DTNBP1: variants seen among roughly 807,000 people sequenced by gnomAD.
DTNBP1 encodes dysbindin.
DTNBP1 carries 35 observed loss-of-function variants against 42.8 expected under a neutral mutation model. The ratio of observed to expected loss-of-function variants is 0.82; its 90% CI spans 0.63 to 1.09. The LOEUF (loss-of-function observed/expected upper bound fraction) is 1.09, where lower values mean the gene tolerates loss of function less well. Among genes scored for constraint, DTNBP1 ranks in the 50% least tolerant of loss-of-function variants. DTNBP1 has a pLI of 0.00. For missense variants in DTNBP1, 457 were observed against 424.2 expected, an observed-to-expected ratio of 1.08 and a Z score of -0.68; for synonymous variants, 171 against 162.2, an observed-to-expected ratio of 1.05 and a Z score of -0.41.
chr6:15,531,923 C>T (rs929010021), intron 8 of DTNBP1, among the ~76,000 whole-genome samples: 6 of 152,238 alleles, frequency 3.9e-5, no homozygotes, highest in Non-Finnish European at 8.8e-5. Context: ...TATGCCACTG[C>T]GCCTGGCCTC....
intron 6 of DTNBP1, among the ~76,000 whole-genome samples, chr6:15,606,534 C>T (rs1758064721): frequency 6.6e-6 from 1 of 152,106 alleles, no homozygotes; most frequent in Non-Finnish European, 1.5e-5. Flanking sequence ...TGCTGCCCTG[C>T]CCACACTACA....
intron 7 of DTNBP1, among the ~76,000 whole-genome samples, chr6:15,571,911 T>C (rs1299643673): frequency 1.3e-5 from 2 of 152,206 alleles, no homozygotes; most frequent in Non-Finnish European, 2.9e-5. Flanking sequence ...AATTCTACTA[T>C]TGCACATTTG....
intron 6 of DTNBP1, among the ~76,000 whole-genome samples, chr6:15,613,357 A>ATTT (rs1184227291): frequency 4.9e-4 from 12 of 24,308 alleles, no homozygotes; most frequent in East Asian, 3.4e-3. Flanking sequence ...CACGGACCCC[A>ATTT]TTTTTTTTTT....
intron 1 of DTNBP1, among the ~76,000 whole-genome samples, chr6:15,658,309 G>C (rs1244840244): frequency 6.6e-6 from 1 of 152,126 alleles, no homozygotes; most frequent in Non-Finnish European, 1.5e-5. Flanking sequence ...TTAAGATGAT[G>C]ATTAATCCCG....
chr6:15,577,520 A>C (rs1561969955), intron 7 of DTNBP1, among the ~76,000 whole-genome samples: 1 of 152,238 alleles, frequency 6.6e-6, no homozygotes, highest in Non-Finnish European at 1.5e-5. Context: ...GAGAGGACTC[A>C]TGCAGCATTT....
chr6:15,569,380 C>A (rs1051677829), intron 7 of DTNBP1, among the ~76,000 whole-genome samples: 1 of 117,260 alleles, frequency 8.5e-6, no homozygotes, highest in African/African-American at 3.4e-5. Context: ...CCGACAGGAA[C>A]GAAATCAGCG....
intron 3 of DTNBP1, among the ~76,000 whole-genome samples, chr6:15,647,617 C>A (rs561314565): frequency 4.7e-5 from 7 of 150,368 alleles, no homozygotes; most frequent in Non-Finnish European, 1.0e-4. Context: ...ACTATTACTA[C>A]GAATCTTACA....
At chr6:15,586,068 G>C in intron 7 of DTNBP1, 1 of 1,122,864 alleles carries the variant, frequency 8.9e-7, no homozygotes, top group South Asian at 4.4e-5. Flanking sequence ...ATGGAGGGGA[G>C]GGAAGGCTGA....
At chr6:15,528,150 C>G (rs978042962) in intron 8 of DTNBP1, among the ~76,000 whole-genome samples, 8 of 152,178 alleles carry the variant, frequency 5.3e-5, no homozygotes, top group African/African-American at 1.9e-4. Flanking sequence ...TACCAACGGA[C>G]AAGACCCCAA....
At position 15,660,312 on chromosome 6, in the gene DTNBP1, T is replaced by G. The variant is rs549430770; in HGVS notation, c.56+2502A>C. On this transcript the variant is annotated intron_variant, in intron 1 of 9. Transcript: ENST00000344537. ...CTCAAGGCAAAAATAATCAGTTATG[T>G]AAAGGAGGTTGATCTCAAGCTGAAT... is the stretch of plus-strand genomic sequence containing the variant. 6.3e-6 allele frequency: 8 copies of G among 1,267,974 alleles called. No homozygotes were observed. In the South Asian group the frequency reaches 7.4e-5, roughly 12 times the overall value. 78.5% of individuals were successfully genotyped at this position (1,267,974 alleles called of 1,614,324 possible).
At chr6:15,544,121 C>A (rs1773738114) in intron 7 of DTNBP1, among the ~76,000 whole-genome samples, 1 of 152,172 alleles carries the variant, frequency 6.6e-6, no homozygotes, top group South Asian at 2.1e-4. Context: ...CAGCTGGACT[C>A]CAAATCTATA....
At chr6:15,614,241 AG>A (rs908657911) in intron 6 of DTNBP1, among the ~76,000 whole-genome samples, 1 of 151,952 alleles carries the variant, frequency 6.6e-6, no homozygotes, top group African/African-American at 2.4e-5. Flanking sequence ...CATTGGGGGT[AG>A]GGGGGTGGTG....
chr6:15,574,919 T>A (rs1263016576), intron 7 of DTNBP1, among the ~76,000 whole-genome samples: 2 of 152,234 alleles, frequency 1.3e-5, no homozygotes, highest in African/African-American at 2.4e-5. Flanking sequence ...CACCAGTTAT[T>A]AGTACTAATT....
chr6:15,523,891 T>G, intron 9 of DTNBP1: 1 of 1,287,258 alleles, frequency 7.8e-7, no homozygotes. Context: ...GGTAGAACCT[T>G]CTACAGATGG....
chr6:15,602,464 G>A (rs1244913341), intron 6 of DTNBP1, among the ~76,000 whole-genome samples: 1 of 152,110 alleles, frequency 6.6e-6, no homozygotes, highest in Admixed American at 6.5e-5. Context: ...GTAATATCAT[G>A]GTTTTAGCTA....
At position 15,523,003 on chromosome 6, in the gene DTNBP1, G is replaced by T; in HGVS notation, c.1028C>A (p.Pro343Gln). The stretch of plus-strand genomic sequence containing the variant: ...AGAGTCGCTGTCCTCACCACCATCC[G>T]GAGTGGCCTCTCTGTCAGTGTGTGA... ...ATSHTDREAT[P>Q]DGGEDSDS is the part of the protein sequence containing the mutation. The change falls in exon 10 of 10, where the codon CCG (proline) becomes CAG (glutamine). Residue 343 changes from proline (P) to glutamine (Q), a missense_variant. Coordinates refer to ENST00000344537, the MANE Select transcript of DTNBP1 (RefSeq NM_032122.5). The T allele has an allele frequency of 6.2e-7, 1 of 1,614,208 alleles. No individual in the cohort carries two copies. The highest frequency in any genetic ancestry group is 8.5e-7 in the Non-Finnish European group (1 of 1,180,042).
rs1339143322 is a variant in DTNBP1 at position 15,522,944 on chromosome 6, C to T, written c.*31G>A. 1 of 1,614,078 alleles carries T rather than the reference C, an allele frequency of 6.2e-7. No individual in the cohort carries two copies. Among genetic ancestry groups the T allele is most frequent in the Non-Finnish European group, 8.5e-7 (1 of 1,180,050 alleles). ...TCCGCATACAGCCAAAACTGGATTCCAGTGTGGCCAGACAACGCCCATGTC... is the reference window on the plus strand; with the variant it reads ...TCCGCATACAGCCAAAACTGGATTCTAGTGTGGCCAGACAACGCCCATGTC... On this transcript the variant is annotated 3_prime_UTR_variant, in exon 10 of 10. Coordinates refer to ENST00000344537, the MANE Select transcript of DTNBP1 (RefSeq NM_032122.5).
chr6:15,619,917 T>G (rs1332536600), intron 5 of DTNBP1, among the ~76,000 whole-genome samples: 1 of 151,958 alleles, frequency 6.6e-6, no homozygotes, highest in Non-Finnish European at 1.5e-5. Context: ...CTTTTTTTTT[T>G]TTGACACTTT....
At chr6:15,551,709 G>A (rs1484482046) in intron 7 of DTNBP1, among the ~76,000 whole-genome samples, 1 of 152,122 alleles carries the variant, frequency 6.6e-6, no homozygotes, top group African/African-American at 2.4e-5. Flanking sequence ...CACGTTCCTC[G>A]AGAGCAAGCA....
Sources: allele counts gnomAD v4.1 joint callset (sites outside exome capture counted in the v4.1 genomes callset), GRCh38; gene constraint gnomAD v4.1.1; transcripts MANE v1.5; gene names NCBI Gene and HGNC (gene_info 2026-07-23, HGNC 2026-07-21).